Variants in PGR observed in about 807,000 individuals in gnomAD.
The protein encoded by PGR is nuclear receptor subfamily 3 group C member 3.
A neutral mutation model predicts 76.1 loss-of-function variants in PGR; 25 were observed. That is an observed-to-expected ratio of 0.33 (90% CI 0.24 to 0.46). The LOEUF (loss-of-function observed/expected upper bound fraction) is 0.46. Among genes scored for constraint, PGR ranks in the 20% least tolerant of loss-of-function variants. PGR has a pLI of 1.00. For missense variants in PGR, 1,172 were observed against 1,225.3 expected (o/e 0.96, Z 0.65); for synonymous variants, 579 against 535.0 (o/e 1.08, Z -1.14).
At chr11:101,071,553 C>A (rs549388932) in intron 3 of PGR, among the ~76,000 whole-genome samples, 2 of 151,816 alleles carry the variant, frequency 1.3e-5, no homozygotes, top group South Asian at 4.2e-4. Context: ...ATGTTCTAAC[C>A]CAATGCAAGG....
intron 3 of PGR, among the ~76,000 whole-genome samples, chr11:101,089,772 A>G (rs1011151863): frequency 1.3e-5 from 2 of 152,166 alleles, no homozygotes; most frequent in African/African-American, 4.8e-5. Flanking sequence ...TTAAACAAAT[A>G]AGTAATATAA....
chr11:101,095,667 T>G (rs116590056), intron 2 of PGR, among the ~76,000 whole-genome samples: 25 of 152,314 alleles, frequency 1.6e-4, no homozygotes, highest in African/African-American at 6.0e-4. Flanking sequence ...CTAGATGACA[T>G]TTGGCAATTA....
At chr11:101,061,276 G>T (rs1434215751) in intron 4 of PGR, among the ~76,000 whole-genome samples, 1 of 152,026 alleles carries the variant, frequency 6.6e-6, no homozygotes, top group Non-Finnish European at 1.5e-5. Context: ...AGGCCTTTTG[G>T]TGAGACTGAA....
chr11:101,074,202 A>T (rs571464590), intron 3 of PGR, among the ~76,000 whole-genome samples: 5 of 152,318 alleles, frequency 3.3e-5, no homozygotes, highest in African/African-American at 1.2e-4. Flanking sequence ...AATCCATCAC[A>T]TAAACAGAAC....
chr11:101,043,602 C>A (rs1859767675), intron 6 of PGR, among the ~76,000 whole-genome samples: 1 of 152,138 alleles, frequency 6.6e-6, no homozygotes, highest in South Asian at 2.1e-4. Context: ...AGAGGAAACA[C>A]TATCTATGGC....
At position 101,038,158 on chromosome 11, in the gene PGR, T is replaced by C. The variant is rs557694293; in HGVS notation, c.*958A>G. ...GGAGGATAAAGAGGAGAAAGGTATG[T>C]GAATTGATACCTCCCTCCTCCTCCT... On this transcript the variant is annotated 3_prime_UTR_variant, in exon 8 of 8. Transcript: ENST00000325455. 576 of 192,406 alleles carry C rather than the reference T, an allele frequency of 3.0e-3. No homozygotes were observed. Among genetic ancestry groups the C allele is most frequent in the Non-Finnish European group, 5.0e-3 (457 of 92,038 alleles). The allele number at this position is 192,406 out of a possible 1,614,324, so 11.9% of individuals were successfully genotyped here.
Position 101,128,475 on chromosome 11 carries a change from G to A in PGR, c.596C>T (p.Ala199Val). ...CCCGGACCAGTGAGGGCTCTCAGAGGCCGGGAGCAGCAGCTGCCGGGCTGG... is the reference window on the plus strand; with the variant it reads ...CCCGGACCAGTGAGGGCTCTCAGAGACCGGGAGCAGCAGCTGCCGGGCTGG... ...LSPARQLLLP[A>V]SESPHWSGAP... Residue 199 changes from alanine to valine, a missense_variant, in exon 1 of 8, where the codon GCC (alanine) becomes GTC (valine). By Grantham distance (64) the Ala-to-Val change is moderately conservative. Around this residue, in one of 4 missense-constraint regions of PGR, gnomAD observed 893 missense variants for 785.9 expected, o/e 1.14. Transcript: ENST00000325455. 1 of 1,607,610 alleles carries A rather than the reference G, an allele frequency of 6.2e-7. No individual in the cohort carries two copies. Among genetic ancestry groups the A allele is most frequent in the Non-Finnish European group, 8.5e-7 (1 of 1,179,284 alleles).
chr11:101,118,726 A>G (rs1213489047), intron 2 of PGR, among the ~76,000 whole-genome samples: 2 of 152,232 alleles, frequency 1.3e-5, no homozygotes, highest in Admixed American at 1.3e-4. Context: ...ATATCTCATC[A>G]GAGGAGAAAA....
At chr11:101,110,300 T>C (rs1298346504) in intron 2 of PGR, among the ~76,000 whole-genome samples, 1 of 152,192 alleles carries the variant, frequency 6.6e-6, no homozygotes, top group Non-Finnish European at 1.5e-5. Flanking sequence ...AAAGCGTTCA[T>C]CATTTTAGAT....
chr11:101,128,296 C>G lies in PGR; in HGVS notation c.775G>C (p.Gly259Arg). ...AGGGCGACGCCTCCTGCTGCCGCCC[C>G]CGGCGGGACAGCCGCGGCTCCTCCT... is the stretch of plus-strand genomic sequence containing the variant. ...AGGGAAAVPP[G>R]AAAGGVALVP... is the part of the protein sequence containing the mutation. Residue 259 changes from glycine to arginine, a missense_variant, in exon 1 of 8, where the codon GGG becomes CGG. By Grantham distance (125) the Gly-to-Arg change is moderately radical (BLOSUM62 -2). This residue lies in a region of PGR where 893 missense variants were observed against 785.9 expected (regional missense o/e 1.14). Transcript: ENST00000325455. 1 of 1,592,714 alleles carries G rather than the reference C, an allele frequency of 6.3e-7. No homozygotes were observed. Among genetic ancestry groups the G allele is most frequent in the South Asian group, 1.1e-5 (1 of 90,168 alleles).
chr11:101,100,163 G>T (rs938578869), intron 2 of PGR, among the ~76,000 whole-genome samples: 1 of 152,126 alleles, frequency 6.6e-6, no homozygotes, highest in Admixed American at 6.6e-5. Context: ...TCAGTGGGAG[G>T]TAATTGAATC....
chr11:101,097,319 C>T (rs1861864392), intron 2 of PGR, among the ~76,000 whole-genome samples: 1 of 152,180 alleles, frequency 6.6e-6, no homozygotes, highest in Non-Finnish European at 1.5e-5. Flanking sequence ...AAATCTCACT[C>T]GTCTTTCAAG....
chr11:101,058,840 T>C (rs1458863030), intron 4 of PGR, among the ~76,000 whole-genome samples: 1 of 152,188 alleles, frequency 6.6e-6, no homozygotes, highest in Non-Finnish European at 1.5e-5. Flanking sequence ...CTTTCCATTA[T>C]TCAGTTCAAA....
intron 6 of PGR, among the ~76,000 whole-genome samples, chr11:101,046,926 A>G (rs1003382133): frequency 1.3e-5 from 2 of 152,100 alleles, no homozygotes; most frequent in African/African-American, 4.8e-5. Context: ...TATTTTTATA[A>G]TGCTTATCTA....
At chr11:101,067,491 A>G (rs1220056766) in intron 3 of PGR, among the ~76,000 whole-genome samples, 1 of 152,064 alleles carries the variant, frequency 6.6e-6, no homozygotes, top group East Asian at 1.9e-4. Context: ...ACACAAAACA[A>G]TGAAGAGCTG....
At position 101,051,656 on chromosome 11, in the gene PGR, G is replaced by A. The variant is rs370311207; in HGVS notation, c.2213-88C>T. 14 of 928,704 alleles carry A rather than the reference G, an allele frequency of 1.5e-5. No individual in the cohort carries two copies. In the African/African-American group the frequency reaches 1.8e-4, roughly 12 times the overall value. 57.5% of individuals were successfully genotyped at this position (928,704 alleles called of 1,614,324 possible). A position where few individuals can be genotyped will look rare whatever the true frequency, so the allele number is the denominator to read the frequency against. Reference sequence around the variant, plus strand: ...AAAATACATATAAATCTGAAAATAGGTATGCGTAGGGTAATAAAATGTTTT... The same window carrying A: ...AAAATACATATAAATCTGAAAATAGATATGCGTAGGGTAATAAAATGTTTT... On this transcript the variant is annotated intron_variant, in intron 4 of 7. Coordinates refer to ENST00000325455, the MANE Select transcript of PGR (RefSeq NM_000926.4).
chr11:101,062,123 T>TA (rs993904527), intron 4 of PGR, among the ~76,000 whole-genome samples: 7 of 152,168 alleles, frequency 4.6e-5, no homozygotes, highest in African/African-American at 1.7e-4. Flanking sequence ...AGGGCATTTA[T>TA]AAAAAATGGT....
intron 2 of PGR, among the ~76,000 whole-genome samples, chr11:101,093,669 G>A (rs999274791): frequency 6.6e-6 from 1 of 152,098 alleles, no homozygotes; most frequent in Non-Finnish European, 1.5e-5. Context: ...ATGTTGGTCA[G>A]GCTGGTCTCG....
At chr11:101,079,056 T>A (rs543673787) in intron 3 of PGR, among the ~76,000 whole-genome samples, 3 of 152,260 alleles carry the variant, frequency 2.0e-5, no homozygotes, top group East Asian at 3.9e-4. Context: ...CAATAAATGC[T>A]GCTGGGAAAA....
Sources: allele counts gnomAD v4.1 joint callset (sites outside exome capture counted in the v4.1 genomes callset), GRCh38; gene constraint gnomAD v4.1.1; regional missense constraint gnomAD v4.1.1; transcripts MANE v1.5; gene names NCBI Gene and HGNC (gene_info 2026-07-23, HGNC 2026-07-21).